The following ENTPD5 variants were observed in gnomAD, a reference collection of about 807,000 sequenced individuals.
ENTPD5 encodes the protein nucleoside diphosphate phosphatase ENTPD5.
ENTPD5 carries 49 observed loss-of-function variants against 60.2 expected under a neutral mutation model. The observed-to-expected ratio is 0.81, with a 90% CI of 0.65 to 1.03. The LOEUF (loss-of-function observed/expected upper bound fraction) is 1.03, where lower values mean the gene tolerates loss of function less well. Among genes scored for constraint, ENTPD5 ranks in the 50% least tolerant of loss-of-function variants. ENTPD5 has a pLI of 0.00. For missense variants in ENTPD5, 480 were observed against 507.6 expected (o/e 0.95, Z 0.52); for synonymous variants, 187 against 185.4 (o/e 1.01, Z -0.07).
downstream of ENTPD5, chr14:73,956,552 C>G (rs966853558): frequency 6.5e-6 from 1 of 153,528 alleles, no homozygotes. Flanking sequence ...CTGTAGCCAT[C>G]CTGTTGAGAG....
intron 3 of ENTPD5, among the ~76,000 whole-genome samples, chr14:73,995,478 A>G (rs377425455): frequency 1.3e-5 from 2 of 152,030 alleles, no homozygotes; most frequent in East Asian, 3.9e-4. Context: ...CAGGCACTAG[A>G]TCTCACCCAT....
At chr14:73,983,781 C>G (rs1212491913) in intron 5 of ENTPD5, among the ~76,000 whole-genome samples, 1 of 151,530 alleles carries the variant, frequency 6.6e-6, no homozygotes, top group African/African-American at 2.4e-5. Context: ...ACCTCCACCT[C>G]CCAGGTTCAA....
At chr14:74,013,866 G>A (rs1566773851) in intron 2 of ENTPD5, among the ~76,000 whole-genome samples, 1 of 152,114 alleles carries the variant, frequency 6.6e-6, no homozygotes. Flanking sequence ...ACAGATCCAT[G>A]ACATAAAAAT....
chr14:73,960,540 G>T, downstream of ENTPD5: 5 of 1,004,340 alleles, frequency 5.0e-6, no homozygotes, highest in Non-Finnish European at 6.0e-6. Context: ...ACCCTACTCT[G>T]GGCCATTTAG....
chr14:73,961,987 G>T, downstream of ENTPD5: 1 of 1,510,686 alleles, frequency 6.6e-7, no homozygotes. Context: ...TGGTCTTATC[G>T]CCCAGGATGG....
intron 3 of ENTPD5, chr14:73,996,237 A>G: frequency 1.0e-6 from 1 of 980,714 alleles, no homozygotes; most frequent in Non-Finnish European, 1.2e-6. Flanking sequence ...CCAGTTTGCA[A>G]CTAACAGTGT....
At chr14:73,975,172 C>A (rs1243004981) in intron 10 of ENTPD5, among the ~76,000 whole-genome samples, 187 bp from the exon 11 acceptor site, 1 of 152,142 alleles carries the variant, frequency 6.6e-6, no homozygotes, top group East Asian at 1.9e-4. Context: ...CAAGGCTATG[C>A]AGTAAGAATT....
rs544293232 is a variant in ENTPD5, at chr14:74,013,114, G to C, written c.-130-1964C>G. Among the ~76,000 whole-genome samples the C allele has an allele frequency of 5.1e-4, 77 of 152,346 alleles. 1 individual carries two copies. The South Asian group carries it at 0.015, about 30-fold the overall frequency. On this transcript the variant is annotated intron_variant, in intron 2 of 15. Coordinates refer to ENST00000334696, the MANE Select transcript of ENTPD5 (RefSeq NM_001249.5). ...GCTGGGCCTCATTGCCAGTATTTCT[G>C]AATCAGTAGGTCTCAGGTGGGGCCT...
At chr14:73,975,555 C>A (rs1465794390) in intron 10 of ENTPD5, among the ~76,000 whole-genome samples, 1 of 152,016 alleles carries the variant, frequency 6.6e-6, no homozygotes, top group Admixed American at 6.6e-5. Context: ...CAGGTGTGCG[C>A]TGTCATATCC....
intron 3 of ENTPD5, among the ~76,000 whole-genome samples, chr14:74,001,588 A>T (rs2058508842): frequency 6.8e-6 from 1 of 147,394 alleles, no homozygotes; most frequent in African/African-American, 2.5e-5. Flanking sequence ...GAATCGCTTG[A>T]ACCTGGGAGG....
At chr14:74,000,094 A>G (rs1222908266) in intron 3 of ENTPD5, among the ~76,000 whole-genome samples, 10 of 151,692 alleles carry the variant, frequency 6.6e-5, no homozygotes, top group African/African-American at 2.4e-4. Context: ...TCTCAAAAAA[A>G]AAAAAAAAAA....
intron 3 of ENTPD5, among the ~76,000 whole-genome samples, chr14:73,989,074 G>A (rs1270410452): frequency 4.0e-5 from 6 of 151,320 alleles, no homozygotes; most frequent in Admixed American, 2.0e-4. Context: ...CACCCGCCTC[G>A]GCCTCCCAAA....
intron 3 of ENTPD5, among the ~76,000 whole-genome samples, chr14:74,004,036 T>G (rs986108712): frequency 3.3e-5 from 5 of 152,076 alleles, no homozygotes; most frequent in Non-Finnish European, 7.4e-5. Flanking sequence ...GCCCAGGAGT[T>G]CGAAGCTGCA....
In ENTPD5 at chr14:73,975,947, G is replaced by C. The variant is rs752468537; in HGVS notation, c.711C>G (p.Leu237=). 3 of 1,611,666 alleles carry C rather than the reference G, an allele frequency of 1.9e-6. No individual in the cohort carries two copies. Among genetic ancestry groups the C allele is most frequent in the Non-Finnish European group, 2.5e-6 (3 of 1,178,146 alleles). Residue 237 remains leucine (L), a synonymous_variant, in exon 10 of 16, where the codon CTC becomes CTG. Coordinates refer to ENST00000334696, the MANE Select transcript of ENTPD5 (RefSeq NM_001249.5). ...GTCCCCGTCCTCACCTATGTGTATA[G>C]AGCTTATAAGTGCTGTTAAACATCT... ...SFEMFNSTYK[L]YTHSYLGFGL...
downstream of ENTPD5, chr14:73,959,175 A>G (rs762634372): frequency 7.4e-6 from 12 of 1,614,140 alleles, no homozygotes; most frequent in South Asian, 2.2e-5. Flanking sequence ...ACAGAAAACA[A>G]CGTAGCCTGG....
At chr14:73,955,920 C>T (rs745678334), downstream of ENTPD5, 4 of 1,614,066 alleles carry the variant, frequency 2.5e-6, no homozygotes, top group South Asian at 4.4e-5. Flanking sequence ...CAGTTGGAGG[C>T]TGTGTCTGGT....
chr14:74,009,442 T>G (rs897490891), intron 3 of ENTPD5, among the ~76,000 whole-genome samples: 1 of 152,200 alleles, frequency 6.6e-6, no homozygotes, highest in Non-Finnish European at 1.5e-5. Context: ...TAGCTACTGC[T>G]TCAAACATGT....
At chr14:74,005,882 C>A (rs1193715039) in intron 3 of ENTPD5, among the ~76,000 whole-genome samples, 1 of 152,146 alleles carries the variant, frequency 6.6e-6, no homozygotes, top group African/African-American at 2.4e-5. Context: ...TAACTTCCAT[C>A]TTCTGTTATA....
rs1386039699 is a variant in ENTPD5 at position 73,965,135 on chromosome 14, G to A, written c.*1793C>T. On this transcript the variant is annotated 3_prime_UTR_variant, in exon 16 of 16. Transcript: ENST00000334696. The stretch of plus-strand genomic sequence containing the variant: ...TTAAAGACAAGAATTTTAGGGACAA[G>A]GATACAGAAATTTGCCTAGTAACTT... The A allele has an allele frequency of 6.6e-6, 1 of 152,128 alleles. No individual in the cohort carries two copies. The highest frequency in any genetic ancestry group is 1.9e-4 in the East Asian group (1 of 5,194). The allele number at this position is 152,128 out of a possible 1,614,324, so 9.4% of individuals were successfully genotyped here. A position where few individuals can be genotyped will look rare whatever the true frequency, so the allele number is the denominator to read the frequency against.
Sources: gnomAD v4.1 joint callset for allele counts (sites outside exome capture counted in the v4.1 genomes callset) on GRCh38, gnomAD v4.1.1 for gene constraint, MANE v1.5 for transcripts, NCBI Gene and HGNC (gene_info 2026-07-23, HGNC 2026-07-21) for gene names.